FRMD5: variants seen among roughly 807,000 people sequenced by gnomAD.
FRMD5 encodes the protein FERM domain-containing protein 5.
In FRMD5, 20 loss-of-function variants were observed where a neutral mutation model predicts 69.0. The observed-to-expected ratio is 0.29, with a 90% confidence interval of 0.20 to 0.42. The LOEUF is 0.42. Ranked by LOEUF, FRMD5 falls within the 10% of genes least tolerant of loss-of-function variation. The probability of loss-of-function intolerance (pLI) is 1.00; values close to 1 mark genes in which losing one functional copy is unlikely to be tolerated. For missense variants in FRMD5, 595 were observed against 708.6 expected (o/e 0.84, Z 1.82); for synonymous variants, 271 against 260.1 (o/e 1.04, Z -0.40).
At chr15:44,153,950 G>A (rs758679213) in intron 1 of FRMD5, among the ~76,000 whole-genome samples, 7 of 151,914 alleles carry the variant, frequency 4.6e-5, no homozygotes, top group East Asian at 1.9e-4. Context: ...CCTAGGTGAC[G>A]ACAGGGCAAG....
chr15:44,056,416 A>G (rs1892872007), intron 1 of FRMD5, among the ~76,000 whole-genome samples: 1 of 152,260 alleles, frequency 6.6e-6, no homozygotes, highest in African/African-American at 2.4e-5. Context: ...TGCAAAGAAG[A>G]ATAAGAATTG....
At chr15:44,005,826 C>G (rs1029599588) in intron 1 of FRMD5, among the ~76,000 whole-genome samples, 1 of 152,180 alleles carries the variant, frequency 6.6e-6, no homozygotes, top group Non-Finnish European at 1.5e-5. Context: ...ACCTCCAGCA[C>G]TGGGGATTAT....
At chr15:44,064,588 C>CA (rs1893233557) in intron 1 of FRMD5, among the ~76,000 whole-genome samples, 1 of 151,692 alleles carries the variant, frequency 6.6e-6, no homozygotes, top group South Asian at 2.1e-4. Flanking sequence ...AACTCTGTCT[C>CA]AAAAAAACAA....
In FRMD5 at chr15:44,061,787, G is replaced by C. The variant is rs1044054067; in HGVS notation, c.102+133166C>G. ...TCATGGTCTTTTCTAATGGCGAGAT[G>C]CATTAACATTTCCCATATGGTGTTA... On this transcript the variant is annotated intron_variant, in intron 1 of 13. Transcript: ENST00000417257. Among the ~76,000 whole-genome samples the C allele has an allele frequency of 3.9e-5, 6 of 152,156 alleles. No homozygotes were observed. In the East Asian group the frequency reaches 1.2e-3, roughly 29 times the overall value.
intron 1 of FRMD5, among the ~76,000 whole-genome samples, chr15:43,942,694 G>C (rs2089882032): frequency 6.6e-6 from 1 of 152,148 alleles, no homozygotes; most frequent in African/African-American, 2.4e-5. Context: ...ATATAAATGA[G>C]TCATGAATAA....
chr15:44,147,433 C>T (rs1326044455), intron 1 of FRMD5, among the ~76,000 whole-genome samples: 2 of 151,968 alleles, frequency 1.3e-5, no homozygotes, highest in East Asian at 3.8e-4. Context: ...GTTCTTTTTG[C>T]TTAGGATGTT....
intron 7 of FRMD5, among the ~76,000 whole-genome samples, chr15:43,895,284 G>A (rs1178344910): frequency 6.6e-6 from 1 of 152,268 alleles, no homozygotes; most frequent in Non-Finnish European, 1.5e-5. Flanking sequence ...CCATGGAAGA[G>A]TGGGGTGATC....
intron 1 of FRMD5, among the ~76,000 whole-genome samples, chr15:44,183,955 C>T (rs1362086487): frequency 6.7e-6 from 1 of 150,328 alleles, no homozygotes; most frequent in South Asian, 2.1e-4. Flanking sequence ...GCAGCCTGGG[C>T]GACAGAGCAA....
Position 43,905,885 on chromosome 15 carries a change from G to C in FRMD5, c.494C>G (p.Pro165Arg). The C allele has an allele frequency of 6.2e-7, 1 of 1,614,176 alleles. No homozygotes were observed. Among genetic ancestry groups the C allele is most frequent in the Non-Finnish European group, 8.5e-7 (1 of 1,180,010 alleles). ...EGYSSKFQFF[P>R]KHSEKLERKI... ...CCTTTCCAGCTTCTCTGAATGTTTAGGGAAAAACTGGAACTTGGAGCTGTA... is the reference window on the plus strand; with the variant it reads ...CCTTTCCAGCTTCTCTGAATGTTTACGGAAAAACTGGAACTTGGAGCTGTA... Residue 165 changes from proline to arginine, a missense_variant, in exon 6 of 14, where the codon CCT (proline) becomes CGT (arginine). Around this residue, in one of 5 missense-constraint regions of FRMD5, gnomAD observed 51 missense variants for 41.7 expected, o/e 1.22. Transcript: ENST00000417257.
chr15:44,194,877 G>A (rs1433544978), intron 1 of FRMD5, 76 bp downstream of exon 1: 5 of 1,295,618 alleles, frequency 3.9e-6, no homozygotes, highest in East Asian at 2.6e-5. Flanking sequence ...CTGGGCGGCG[G>A]CCGCCGCCGG....
chr15:43,956,183 C>G (rs747478732), intron 1 of FRMD5, among the ~76,000 whole-genome samples: 2 of 152,112 alleles, frequency 1.3e-5, no homozygotes, highest in Non-Finnish European at 1.5e-5. Flanking sequence ...GGTATTTTCT[C>G]TCATAAATTT....
intron 1 of FRMD5, among the ~76,000 whole-genome samples, chr15:44,075,041 G>T (rs111369804): frequency 2.0e-5 from 3 of 152,172 alleles, no homozygotes; most frequent in African/African-American, 7.2e-5. Flanking sequence ...GTCCAGGCCA[G>T]CTCTTAGCAC....
intron 1 of FRMD5, among the ~76,000 whole-genome samples, chr15:44,102,418 G>T (rs1470343635): frequency 6.6e-6 from 1 of 152,148 alleles, no homozygotes; most frequent in Non-Finnish European, 1.5e-5. Flanking sequence ...CATGAAGGAG[G>T]TCCTCAATCT....
intron 2 of FRMD5, among the ~76,000 whole-genome samples, chr15:43,923,788 T>G (rs1057177830): frequency 6.6e-6 from 1 of 152,206 alleles, no homozygotes; most frequent in African/African-American, 2.4e-5. Flanking sequence ...CCCGCGCTGG[T>G]TTGGCTCTGT....
intron 1 of FRMD5, among the ~76,000 whole-genome samples, chr15:44,100,983 T>C (rs540102247): frequency 5.3e-5 from 8 of 151,948 alleles, no homozygotes; most frequent in Admixed American, 1.3e-4. Flanking sequence ...ACCCTGTCCC[T>C]ACTAAAAATA....
At position 43,871,981 on chromosome 15, in the gene FRMD5, T is replaced by A. The variant is rs1283610745; in HGVS notation, c.*1904A>T. On this transcript the variant is annotated 3_prime_UTR_variant, in exon 14 of 14. Coordinates refer to ENST00000417257, the MANE Select transcript of FRMD5 (RefSeq NM_032892.5). ...TCAGTTTTATTGTCTAGAGCAGGAT[T>A]GGCGTATTATGGCCTGTAGGCTAAA... 1 of 152,224 alleles carries A rather than the reference T, an allele frequency of 6.6e-6. No individual in the cohort carries two copies. Among genetic ancestry groups the A allele is most frequent in the Non-Finnish European group, 1.5e-5 (1 of 68,044 alleles). The allele number at this position is 152,224 out of a possible 1,614,324, so 9.4% of individuals were successfully genotyped here.
intron 1 of FRMD5, among the ~76,000 whole-genome samples, chr15:43,929,608 T>C (rs761248775): frequency 6.6e-6 from 1 of 151,770 alleles, no homozygotes; most frequent in Non-Finnish European, 1.5e-5. Flanking sequence ...AGAGGTAAAA[T>C]GGAGGGATTA....
intron 1 of FRMD5, among the ~76,000 whole-genome samples, chr15:44,157,781 C>A (rs2077551396): frequency 6.6e-6 from 1 of 151,718 alleles, no homozygotes; most frequent in Non-Finnish European, 1.5e-5. Flanking sequence ...AAAGGAAAAT[C>A]CAGGAAATTC....
intron 1 of FRMD5, among the ~76,000 whole-genome samples, chr15:44,162,937 G>A (rs1465037345): frequency 6.6e-6 from 1 of 150,856 alleles, no homozygotes; most frequent in Non-Finnish European, 1.5e-5. Flanking sequence ...CACTTTGGGA[G>A]GCCAAGACGG....
Sources: allele counts gnomAD v4.1 joint callset (sites outside exome capture counted in the v4.1 genomes callset), GRCh38; gene constraint gnomAD v4.1.1; regional missense constraint gnomAD v4.1.1; transcripts MANE v1.5; gene names NCBI Gene and HGNC (gene_info 2026-07-23, HGNC 2026-07-21).